The following TPH2 variants were observed in gnomAD, a reference collection of about 807,000 sequenced individuals.
The protein encoded by TPH2 is tryptophan 5-hydroxylase 2.
TPH2 carries 27 observed loss-of-function variants against 59.1 expected under a neutral mutation model. The observed-to-expected ratio is 0.46, with a 90% CI of 0.34 to 0.63. The LOEUF (loss-of-function observed/expected upper bound fraction) is 0.63, where lower values mean the gene tolerates loss of function less well. Ranked by LOEUF, TPH2 falls within the 30% of genes least tolerant of loss-of-function variation. The pLI, the probability that TPH2 is intolerant of heterozygous loss-of-function variation, is 0.01. For missense variants in TPH2, 523 were observed against 588.3 expected (o/e 0.89, Z 1.15); for synonymous variants, 220 against 210.5 (o/e 1.05, Z -0.39).
At chr12:72,028,997 T>G (rs1873644855) in intron 9 of TPH2, among the ~76,000 whole-genome samples, 1 of 152,206 alleles carries the variant, frequency 6.6e-6, no homozygotes, top group African/African-American at 2.4e-5. Context: ...TTAAAATGAC[T>G]AAATACGTAT....
chr12:71,961,763 G>A, intron 5 of TPH2: 1 of 1,320,884 alleles, frequency 7.6e-7, no homozygotes, highest in African/African-American at 1.5e-5. Context: ...TCTGCAAGGT[G>A]AGAAAATAGT....
rs185681656 is a variant in TPH2 at position 71,994,660 on chromosome 12, G to A, written c.1068+95G>A. On this transcript the variant is annotated intron_variant, in intron 8 of 10. Transcript: ENST00000333850. ...TATTGACTATGAGTTATAGGTAAAT[G>A]TTCTGGAGAAAACATGGTGAATTTA... 6.7e-6 allele frequency: 10 copies of A among 1,486,192 alleles called. No individual in the cohort carries two copies. The East Asian group carries it at 2.1e-4, about 31-fold the overall frequency. 92.1% of individuals were successfully genotyped at this position (1,486,192 alleles called of 1,614,324 possible).
intron 7 of TPH2, among the ~76,000 whole-genome samples, chr12:71,980,545 C>G (rs964812811): frequency 8.6e-5 from 13 of 151,834 alleles, no homozygotes; most frequent in African/African-American, 2.7e-4. Context: ...AAAGTGTTTT[C>G]AGGGTAAACA....
At chr12:71,994,322 CT>C in intron 7 of TPH2, 116 bp from the exon 8 acceptor site, 1 of 1,099,882 alleles carries the variant, frequency 9.1e-7, no homozygotes, top group Non-Finnish European at 1.4e-6. Context: ...CATTGATGAA[CT>C]GTAGTAACTA....
At chr12:71,949,404 G>A (rs1345521250) in intron 4 of TPH2, among the ~76,000 whole-genome samples, 184 bp from the exon 5 acceptor site, 1 of 152,154 alleles carries the variant, frequency 6.6e-6, no homozygotes, top group Non-Finnish European at 1.5e-5. Context: ...AATTAGTATA[G>A]CCCCAATTTA....
intron 8 of TPH2, among the ~76,000 whole-genome samples, chr12:72,008,234 C>G (rs1169966651): frequency 6.6e-6 from 1 of 152,188 alleles, no homozygotes; most frequent in Non-Finnish European, 1.5e-5. Context: ...CATATGCTTA[C>G]TGGTAGAATA....
At chr12:72,024,089 T>C in intron 9 of TPH2, among the ~76,000 whole-genome samples, 1 of 152,210 alleles carries the variant, frequency 6.6e-6, no homozygotes, top group Non-Finnish European at 1.5e-5. Flanking sequence ...CTGCACTCCC[T>C]GTGATCCCTG....
chr12:72,012,173 T>TCAACAACAACAACAACAACAACAA (rs58438005), intron 8 of TPH2, among the ~76,000 whole-genome samples: 6 of 151,536 alleles, frequency 4.0e-5, no homozygotes, highest in Non-Finnish European at 7.4e-5. Flanking sequence ...GAGCAGGAAT[T>TCAACAACAACAACAACAACAACAA]CAACAACAAC....
At chr12:71,979,181 A>T (rs1349385829) in intron 7 of TPH2, 94 bp downstream of exon 7, 1 of 1,536,288 alleles carries the variant, frequency 6.5e-7, no homozygotes, top group African/African-American at 1.4e-5. Flanking sequence ...TTACCTCCAA[A>T]CTAATTTCCT....
intron 9 of TPH2, among the ~76,000 whole-genome samples, chr12:72,025,913 A>C (rs1283048055): frequency 2.6e-5 from 4 of 152,126 alleles, no homozygotes; most frequent in Non-Finnish European, 4.4e-5. Flanking sequence ...TTATTCATTA[A>C]TTTTGTTCAA....
At chr12:71,962,020 G>C (rs1433120992) in intron 5 of TPH2, 1 of 1,028,522 alleles carries the variant, frequency 9.7e-7, no homozygotes, top group Non-Finnish European at 1.2e-6. Flanking sequence ...ATTTGCAAAA[G>C]CAAATAAAAT....
intron 2 of TPH2, among the ~76,000 whole-genome samples, chr12:71,943,931 T>C (rs899973894): frequency 6.6e-6 from 1 of 152,162 alleles, no homozygotes; most frequent in Admixed American, 6.6e-5. Context: ...CACATAAATC[T>C]GGATATTACA....
Position 71,977,166 on chromosome 12 carries a change from C to T in TPH2, c.806-1786C>T, listed in dbSNP as rs1445909802. ...TCCTAGGCTCAAGCGATTCTTGTGCCTCACCTGTATTCCCCGAGTAGCTGG... is the reference window on the plus strand; with the variant it reads ...TCCTAGGCTCAAGCGATTCTTGTGCTTCACCTGTATTCCCCGAGTAGCTGG... On this transcript the variant is annotated intron_variant, in intron 6 of 10. Coordinates refer to ENST00000333850, the MANE Select transcript of TPH2 (RefSeq NM_173353.4). Among the ~76,000 whole-genome samples the T allele has an allele frequency of 2.6e-5, 4 of 152,328 alleles. No homozygotes were observed. The East Asian group carries it at 5.8e-4, about 22-fold the overall frequency.
chr12:71,961,647 G>A (rs765117576), intron 5 of TPH2: 20 of 1,351,946 alleles, frequency 1.5e-5, no homozygotes, highest in Admixed American at 7.6e-5. Context: ...TATGTTGAGC[G>A]TGCACATATT....
At chr12:71,957,326 G>GCT (rs1592386322) in intron 5 of TPH2, among the ~76,000 whole-genome samples, 1 of 136,502 alleles carries the variant, frequency 7.3e-6, no homozygotes, top group Non-Finnish European at 1.6e-5. Context: ...ATGAGTAAAG[G>GCT]ATTTTTTTTT....
intron 5 of TPH2, among the ~76,000 whole-genome samples, chr12:71,951,027 T>C (rs1412700968): frequency 6.6e-6 from 1 of 152,130 alleles, no homozygotes; most frequent in African/African-American, 2.4e-5. Context: ...TCCTTTCACA[T>C]GTGCCTATTC....
In TPH2 at chr12:72,031,263, C is replaced by G. The variant is rs750012661; in HGVS notation, c.1170C>G (p.Ala390=). 1 of 1,613,290 alleles carries G rather than the reference C, an allele frequency of 6.2e-7. No individual in the cohort carries two copies. The highest frequency in any genetic ancestry group is 8.5e-7 in the Non-Finnish European group (1 of 1,179,440). The change falls in exon 10 of 11, where the codon GCC becomes GCG. Residue 390 remains alanine, a synonymous_variant. Coordinates refer to ENST00000333850, the MANE Select transcript of TPH2 (RefSeq NM_173353.4). The part of the protein sequence containing the change: ...LLSSIGELKH[A]LSDKACVKAF... Reference sequence around the variant, plus strand: ...TTTTGTGGTATATTTTGCAGCACGCCCTTTCTGACAAGGCATGTGTGAAAG... The same window carrying G: ...TTTTGTGGTATATTTTGCAGCACGCGCTTTCTGACAAGGCATGTGTGAAAG...
At chr12:72,018,095 G>C (rs1873308391) in intron 8 of TPH2, among the ~76,000 whole-genome samples, 1 of 152,156 alleles carries the variant, frequency 6.6e-6, no homozygotes, top group Non-Finnish European at 1.5e-5. Context: ...CAGACTAAAA[G>C]GTCTAATTCT....
At chr12:72,024,671 G>T (rs1873520752) in intron 9 of TPH2, among the ~76,000 whole-genome samples, 1 of 152,174 alleles carries the variant, frequency 6.6e-6, no homozygotes, top group Admixed American at 6.5e-5. Flanking sequence ...AAAGGAAACG[G>T]ATCTCTCTCA....
Sources: gnomAD v4.1 joint callset for allele counts (sites outside exome capture counted in the v4.1 genomes callset) on GRCh38, gnomAD v4.1.1 for gene constraint, MANE v1.5 for transcripts, NCBI Gene and HGNC (gene_info 2026-07-23, HGNC 2026-07-21) for gene names.